The following PACS2 variants were observed in gnomAD, a reference collection of about 807,000 sequenced individuals.
PACS2 encodes the protein PACS1-like protein.
PACS2 carries 36 observed loss-of-function variants against 113.0 expected under a neutral mutation model. The observed-to-expected ratio is 0.32, with a 90% confidence interval of 0.24 to 0.42. PACS2 has a LOEUF of 0.42. Among genes scored for constraint, PACS2 ranks in the 10% least tolerant of loss-of-function variants. The pLI is 1.00. For missense variants in PACS2, 1,015 were observed against 1,239.5 expected, an observed-to-expected ratio of 0.82 and a Z score of 2.72; for synonymous variants, 589 against 536.1, an observed-to-expected ratio of 1.10 and a Z score of -1.36.
rs1170035802 is a variant in PACS2, at chr14:105,396,497, C to CT, written c.*1846dup. The CT allele has an allele frequency of 0.073, 8,466 of 115,544 alleles. 495 individuals are homozygous for CT. The highest frequency in any genetic ancestry group is 0.13 in the African/African-American group (3,819 of 28,474). The allele number at this position is 115,544 out of a possible 1,614,324, so 7.2% of individuals were successfully genotyped here. A position where few individuals can be genotyped will look rare whatever the true frequency, so the allele number is the denominator to read the frequency against. On this transcript the variant is annotated 3_prime_UTR_variant, in exon 25 of 25. Coordinates refer to ENST00000447393, the MANE Select transcript of PACS2 (RefSeq NM_001100913.3). ...GTTTTTCTGCTCTCCAGTTTCTTTT[C>CT]TTTTTTTTTTTTTTTTTTTTTGAGA... is the stretch of plus-strand genomic sequence containing the variant.
chr14:105,389,433 C>T (rs1555414312), intron 19 of PACS2: 1 of 167,372 alleles, frequency 6.0e-6, no homozygotes, highest in East Asian at 1.6e-4. Flanking sequence ...CTTATGTGGG[C>T]ATGGACGTTA....
At chr14:105,343,860 GTTGT>G (rs1170308789) in intron 1 of PACS2, among the ~76,000 whole-genome samples, 14 of 151,278 alleles carry the variant, frequency 9.3e-5, no homozygotes, top group African/African-American at 3.4e-4. Flanking sequence ...TTTTTATTAG[GTTGT>G]TTGTTTTCAT....
chr14:105,387,352 T>C (rs782586174), intron 19 of PACS2, among the ~76,000 whole-genome samples: 5 of 152,322 alleles, frequency 3.3e-5, no homozygotes, highest in Middle Eastern at 3.4e-3. Flanking sequence ...AGGCCAGGCC[T>C]GGAGGGCGGC....
At chr14:105,378,144 C>T (rs1018519498) in intron 9 of PACS2, among the ~76,000 whole-genome samples, 6 of 152,222 alleles carry the variant, frequency 3.9e-5, no homozygotes, top group Admixed American at 1.3e-4. Context: ...TGCCTTCAGC[C>T]GGAGAAAGTT....
intron 3 of PACS2, among the ~76,000 whole-genome samples, chr14:105,353,534 TTCTTAAATGA>T (rs1555404669): frequency 6.6e-6 from 1 of 152,156 alleles, no homozygotes; most frequent in Non-Finnish European, 1.5e-5. Context: ...TTATGGTTTA[TTCTTAAATGA>T]TTAGAAGATT....
rs983735299 is a variant in PACS2, at chr14:105,391,153, G to A, written c.2077-54G>A. On this transcript the variant is annotated intron_variant, in intron 20 of 24. Transcript: ENST00000447393. ...GAGGCGGGAGCCCCACTGGGAGGGC[G>A]CTGGGCTAGCTGAATTGCACGGCTT... is the stretch of plus-strand genomic sequence containing the variant. 1.9e-5 allele frequency: 27 copies of A among 1,450,194 alleles called. No homozygotes were observed. The African/African-American group carries it at 2.6e-4, about 14-fold the overall frequency. 89.8% of individuals were successfully genotyped at this position (1,450,194 alleles called of 1,614,324 possible).
intron 1 of PACS2, among the ~76,000 whole-genome samples, chr14:105,306,728 C>T (rs1595518605): frequency 1.3e-5 from 2 of 152,202 alleles, no homozygotes; most frequent in South Asian, 4.1e-4. Context: ...GCCTCAGCCT[C>T]CCAAGTAGCT....
In PACS2 at chr14:105,324,970, G is replaced by T. The variant is rs947131654; in HGVS notation, c.119+9933G>T. On this transcript the variant is annotated intron_variant, in intron 1 of 24. Transcript: ENST00000447393. This position sits in a 1 kb window ranked among gnomAD's most constrained non-coding sequence, Gnocchi z 4.7. ...GCCCTTCCTGCTGGGGGTGCACACG[G>T]GCCTGGGGCTGAGCAACCCGCTCTG... Among the ~76,000 whole-genome samples the T allele has an allele frequency of 2.6e-5, 4 of 152,078 alleles. No individual in the cohort carries two copies. Among genetic ancestry groups the T allele is most frequent in the Admixed American group, 1.3e-4 (2 of 15,282 alleles).
rs185644553 is a variant in PACS2, at chr14:105,381,899, C to G, written c.1269-15C>G. On this transcript the variant is annotated splice_polypyrimidine_tract_variant and intron_variant, in intron 12 of 24. Coordinates refer to ENST00000447393, the MANE Select transcript of PACS2 (RefSeq NM_001100913.3). ...CTGCTGCCACAGCCACTTAGCCTGTCCTGGTCCCCAATAGGTCCGAGGGGA... is the reference window on the plus strand; with the variant it reads ...CTGCTGCCACAGCCACTTAGCCTGTGCTGGTCCCCAATAGGTCCGAGGGGA... The G allele has an allele frequency of 1.4e-5, 21 of 1,549,602 alleles. No homozygotes were observed. The African/African-American group carries it at 2.6e-4, about 19-fold the overall frequency.
At chr14:105,346,479 CACA>C (rs1272425823) in intron 1 of PACS2, among the ~76,000 whole-genome samples, 1 of 112,496 alleles carries the variant, frequency 8.9e-6, no homozygotes, top group Non-Finnish European at 2.0e-5. Flanking sequence ...CCCCCGCCCA[CACA>C]ACATCCCCCC....
At chr14:105,367,650 C>T (rs2141144188) in intron 5 of PACS2, among the ~76,000 whole-genome samples, 1 of 152,392 alleles carries the variant, frequency 6.6e-6, no homozygotes, top group South Asian at 2.1e-4. Flanking sequence ...TGGGGTCGCA[C>T]TGTGATGCCC....
chr14:105,321,265 T>TC (rs2058874291), intron 1 of PACS2, among the ~76,000 whole-genome samples: 2 of 152,224 alleles, frequency 1.3e-5, no homozygotes, highest in Admixed American at 6.5e-5. Context: ...GGTCTTCAAG[T>TC]CCGTTCCCTT....
chr14:105,392,049 T>A, intron 22 of PACS2: 1 of 472,150 alleles, frequency 2.1e-6, no homozygotes, highest in Non-Finnish European at 3.7e-6. Context: ...TTGGGGCTTT[T>A]AAAAAACAAG....
At chr14:105,345,343 C>T (rs1310271211) in intron 1 of PACS2, among the ~76,000 whole-genome samples, 1 of 144,388 alleles carries the variant, frequency 6.9e-6, no homozygotes, top group Admixed American at 6.9e-5. Context: ...GGAGGCGGAG[C>T]TTGCAGTGAG....
intron 1 of PACS2, among the ~76,000 whole-genome samples, chr14:105,344,026 G>A (rs1208222206): frequency 2.0e-5 from 3 of 150,760 alleles, no homozygotes; most frequent in Non-Finnish European, 4.4e-5. Flanking sequence ...AGGAGTTTGA[G>A]ACCAGGCCTG....
At chr14:105,383,851 G>T (rs2081080046) in intron 16 of PACS2, 2 of 324,138 alleles carry the variant, frequency 6.2e-6, no homozygotes, top group Admixed American at 4.7e-5. Flanking sequence ...CTCTATGCCA[G>T]TTTCGATTTC....
chr14:105,383,588 CGTGGCGTGGCGTGTTGT>C (rs1329704105), intron 16 of PACS2, 75 bp downstream of exon 16: 2 of 1,395,658 alleles, frequency 1.4e-6, no homozygotes, highest in Non-Finnish European at 1.9e-6. Flanking sequence ...AGTGGTGTGG[CGTGGCGTGGCGTGTTGT>C]GTGGCGTGGC....
chr14:105,390,849 T>A, intron 20 of PACS2: 1 of 349,342 alleles, frequency 2.9e-6, no homozygotes, highest in Non-Finnish European at 5.3e-6. Context: ...CGTAGCCGCC[T>A]GTGGCTCGTG....
At chr14:105,360,790 A>T (rs921625744) in intron 4 of PACS2, among the ~76,000 whole-genome samples, 4 of 152,140 alleles carry the variant, frequency 2.6e-5, no homozygotes, top group Admixed American at 2.0e-4. Flanking sequence ...CATGTTACCC[A>T]CCATTATTTC....
Sources: allele counts gnomAD v4.1 joint callset (sites outside exome capture counted in the v4.1 genomes callset), GRCh38; gene constraint gnomAD v4.1.1; non-coding constraint Gnocchi (gnomAD v3.1); transcripts MANE v1.5; gene names NCBI Gene and HGNC (gene_info 2026-07-23, HGNC 2026-07-21).